PAPSS1: variants seen among roughly 807,000 people sequenced by gnomAD.
The protein encoded by PAPSS1 is bifunctional 3'-phosphoadenosine 5'-phosphosulfate synthase 1.
PAPSS1 carries 50 observed loss-of-function variants against 72.0 expected under a neutral mutation model. The ratio of observed to expected loss-of-function variants is 0.69; its 90% CI spans 0.55 to 0.88. The LOEUF is 0.88. Ranked by LOEUF, PAPSS1 falls within the 40% of genes least tolerant of loss-of-function variation. The pLI is 0.00. For synonymous variants in PAPSS1, 261 were observed against 263.6 expected, an observed-to-expected ratio of 0.99 and a Z score of 0.09; for missense variants, 657 against 782.2, an observed-to-expected ratio of 0.84 and a Z score of 1.91.
At chr4:107,694,266 G>A (rs567908697) in intron 2 of PAPSS1, 35 of 397,180 alleles carry the variant, frequency 8.8e-5, no homozygotes, top group Admixed American at 1.7e-4. Flanking sequence ...AATATGTTGC[G>A]CCAGCTGGTC....
intron 3 of PAPSS1, among the ~76,000 whole-genome samples, chr4:107,691,565 A>G (rs1722918488): frequency 6.6e-6 from 1 of 152,192 alleles, no homozygotes; most frequent in South Asian, 2.1e-4. Context: ...GCTTGGCATC[A>G]AGATTACAAA....
intron 11 of PAPSS1, among the ~76,000 whole-genome samples, chr4:107,619,635 A>G (rs2110295212): frequency 6.6e-6 from 1 of 152,354 alleles, no homozygotes; most frequent in East Asian, 1.9e-4. Context: ...ACCTGTGAGT[A>G]ATCAGGAATC....
At chr4:107,653,103 G>A (rs1473127835) in intron 9 of PAPSS1, among the ~76,000 whole-genome samples, 1 of 143,924 alleles carries the variant, frequency 6.9e-6, no homozygotes, top group Non-Finnish European at 1.5e-5. Flanking sequence ...GAATACATAT[G>A]AATATATATG....
intron 5 of PAPSS1, among the ~76,000 whole-genome samples, chr4:107,676,512 C>T (rs1399113902): frequency 6.6e-6 from 1 of 152,122 alleles, no homozygotes; most frequent in Non-Finnish European, 1.5e-5. Flanking sequence ...GAACTATAAA[C>T]CACTGCTCAA....
chr4:107,636,522 G>A (rs573549397), intron 10 of PAPSS1, among the ~76,000 whole-genome samples: 13 of 152,214 alleles, frequency 8.5e-5, no homozygotes, highest in Admixed American at 3.3e-4. Context: ...CAAGGAAGAC[G>A]AGGAATGAGA....
At chr4:107,714,370 C>T (rs1396456410) in intron 1 of PAPSS1, among the ~76,000 whole-genome samples, 1 of 152,182 alleles carries the variant, frequency 6.6e-6, no homozygotes, top group African/African-American at 2.4e-5. Flanking sequence ...GTCTCTATAG[C>T]CACTGCAATA....
Position 107,654,860 on chromosome 4 carries a change from C to T in PAPSS1, c.936G>A (p.Ala312=), listed in dbSNP as rs1460047339. ...INLSVPIVLT[A]THEDKERLDG... ...CCAGCCTCTCTTTATCTTCATGAGTCGCAGTCAGAACTATAGGTACTGACA... is the reference window on the plus strand; with the variant it reads ...CCAGCCTCTCTTTATCTTCATGAGTTGCAGTCAGAACTATAGGTACTGACA... Residue 312 remains alanine (A), a synonymous_variant, in exon 8 of 12, where the codon GCG becomes GCA. Transcript: ENST00000265174. 6.2e-7 allele frequency: 1 copy of T among 1,613,940 alleles called. No homozygotes were observed. Among genetic ancestry groups the T allele is most frequent in the African/African-American group, 1.3e-5 (1 of 74,994 alleles).
chr4:107,703,445 T>C (rs924103391), intron 1 of PAPSS1, among the ~76,000 whole-genome samples: 6 of 151,992 alleles, frequency 3.9e-5, no homozygotes, highest in African/African-American at 1.4e-4. Flanking sequence ...CCTAAACTAG[T>C]GTCATAAAAC....
chr4:107,712,878 G>GA (rs11380474), intron 1 of PAPSS1, among the ~76,000 whole-genome samples: 110,141 of 140,046 alleles, frequency 0.79, 43,946 homozygotes, highest in South Asian at 0.93. Context: ...TCTCGGGAAA[G>GA]AAAAAAAAAA....
intron 11 of PAPSS1, among the ~76,000 whole-genome samples, chr4:107,620,723 G>T (rs1265094787): frequency 6.6e-6 from 1 of 152,092 alleles, no homozygotes. Context: ...GAATTATCTG[G>T]CCCAAAAGGC....
chr4:107,618,253 C>A (rs1199948833), intron 11 of PAPSS1, among the ~76,000 whole-genome samples: 1 of 151,780 alleles, frequency 6.6e-6, no homozygotes, highest in Non-Finnish European at 1.5e-5. Flanking sequence ...CAGTAGGGAA[C>A]AAAACACTGA....
At chr4:107,659,871 G>A (rs1727125453) in intron 6 of PAPSS1, 88 bp downstream of exon 6, 1 of 679,504 alleles carries the variant, frequency 1.5e-6, no homozygotes, top group Admixed American at 3.0e-5. Flanking sequence ...ACCACCCCTG[G>A]CCTCAAATAC....
chr4:107,621,302 C>A (rs1206572881), intron 11 of PAPSS1, among the ~76,000 whole-genome samples: 1 of 152,044 alleles, frequency 6.6e-6, no homozygotes, highest in Non-Finnish European at 1.5e-5. Flanking sequence ...TGGAACGATG[C>A]TCATGAAAAG....
At chr4:107,673,405 G>A (rs1274052436) in intron 5 of PAPSS1, among the ~76,000 whole-genome samples, 4 of 151,982 alleles carry the variant, frequency 2.6e-5, no homozygotes, top group African/African-American at 9.7e-5. Context: ...TGAGAACTAC[G>A]TGATGAATGC....
chr4:107,631,785 G>A lies in PAPSS1; in HGVS notation c.1582C>T (p.Pro528Ser). The A allele has an allele frequency of 1.2e-6, 2 of 1,614,060 alleles. No individual in the cohort carries two copies. The highest frequency in any genetic ancestry group is 1.7e-6 in the Non-Finnish European group (2 of 1,179,960). ...YIVGRDPAGM[P>S]HPETGKDLYE... ...AGATCCTTCCCTGTTTCTGGATGAGGCATGCCAGCAGGGTCTCGTCCAACA... is the reference window on the plus strand; with the variant it reads ...AGATCCTTCCCTGTTTCTGGATGAGACATGCCAGCAGGGTCTCGTCCAACA... Residue 528 changes from proline (P) to serine (S), a missense_variant, in exon 11 of 12, where the codon CCT becomes TCT. Physicochemically the swap from Pro to Ser is moderately conservative, Grantham distance 74. Transcript: ENST00000265174.
rs181992463 is a variant in PAPSS1 at position 107,705,103 on chromosome 4, A to G, written c.61-3818T>C. On this transcript the variant is annotated intron_variant, in intron 1 of 11. Transcript: ENST00000265174. Reference sequence around the variant, plus strand: ...TTTCGCATCTATGTTCATCAGGGACACTGGCCTGTGATTTTCTTTTCTTCT... The same window carrying G: ...TTTCGCATCTATGTTCATCAGGGACGCTGGCCTGTGATTTTCTTTTCTTCT... 2.5e-4 allele frequency among the ~76,000 whole-genome samples: 38 copies of G among 152,344 alleles called. No individual in the cohort carries two copies. The East Asian group carries it at 5.8e-3, about 23-fold the overall frequency.
chr4:107,664,098 C>T (rs980740269), intron 5 of PAPSS1, among the ~76,000 whole-genome samples: 2 of 152,128 alleles, frequency 1.3e-5, no homozygotes, highest in Non-Finnish European at 2.9e-5. Flanking sequence ...CATGAGCCTC[C>T]ATTTCCAATG....
chr4:107,673,204 G>A (rs1329073893), intron 5 of PAPSS1, among the ~76,000 whole-genome samples: 3 of 152,190 alleles, frequency 2.0e-5, no homozygotes, highest in African/African-American at 7.2e-5. Flanking sequence ...GAACAAAGCT[G>A]GACGGAGAAT....
chr4:107,636,216 C>A (rs1726376698), intron 10 of PAPSS1, among the ~76,000 whole-genome samples: 1 of 151,962 alleles, frequency 6.6e-6, no homozygotes, highest in African/African-American at 2.4e-5. Flanking sequence ...CAGAAACTAA[C>A]TCAAAGATCC....
Sources: allele counts gnomAD v4.1 joint callset (sites outside exome capture counted in the v4.1 genomes callset), GRCh38; gene constraint gnomAD v4.1.1; transcripts MANE v1.5; gene names NCBI Gene and HGNC (gene_info 2026-07-23, HGNC 2026-07-21).